The following TIMM21 variants were observed in gnomAD, a reference collection of about 807,000 sequenced individuals.
TIMM21 encodes translocase of inner mitochondrial membrane 21, also known as mitochondrial import inner membrane translocase subunit Tim21.
TIMM21 carries 30 observed loss-of-function variants against 27.7 expected under a neutral mutation model. The observed-to-expected ratio is 1.08, with a 90% CI of 0.81 to 1.47. TIMM21 has a LOEUF of 1.47. Ranked by LOEUF, TIMM21 falls within the 40% of genes most tolerant of loss-of-function variation. The pLI is 0.00. For missense variants in TIMM21, 292 were observed against 302.9 expected, an observed-to-expected ratio of 0.96 and a Z score of 0.27; for synonymous variants, 121 against 114.4, an observed-to-expected ratio of 1.06 and a Z score of -0.37.
chr18:74,158,408 T>C lies in TIMM21; in HGVS notation c.675T>C (p.Tyr225=), dbSNP rs369168905. The change falls in exon 6 of 6, where the codon TAT becomes TAC. Residue 225 remains tyrosine (Y), a synonymous_variant. Coordinates refer to ENST00000169551, the MANE Select transcript of TIMM21 (RefSeq NM_014177.3). ...NPGSGEYDFR[Y]IFVEIESYPR... is the part of the protein sequence containing the mutation. ...GAAGTGGTGAATATGATTTTCGATA[T>C]ATATTTGTAGAAATTGAATCTTATC... 9.3e-6 allele frequency: 15 copies of C among 1,605,698 alleles called. No individual in the cohort carries two copies. Among genetic ancestry groups the C allele is most frequent in the Admixed American group, 3.4e-5 (2 of 59,180 alleles).
chr18:74,152,133 G>A lies in TIMM21; in HGVS notation c.302-3012G>A, dbSNP rs1215408804. Among the ~76,000 whole-genome samples, 1 of 152,070 alleles carries A rather than the reference G, an allele frequency of 6.6e-6. No homozygotes were observed. Among genetic ancestry groups the A allele is most frequent in the African/African-American group, 2.4e-5 (1 of 41,404 alleles). On this transcript the variant is annotated intron_variant, in intron 1 of 5. Transcript: ENST00000169551. The surrounding 1 kb of genome is among the most constrained non-coding windows in gnomAD (Gnocchi z 4.1). Reference sequence around the variant, plus strand: ...GTGGAGGAAGTGCCAACCTTTACCAGACACTGAGCTGCTGCTTCAGGGCTA... The same window carrying A: ...GTGGAGGAAGTGCCAACCTTTACCAAACACTGAGCTGCTGCTTCAGGGCTA...
chr18:74,149,029 A>T lies in TIMM21; in HGVS notation c.221A>T (p.Lys74Ile). Residue 74 changes from lysine (K) to isoleucine (I), a missense_variant, in exon 1 of 6, where the codon AAA becomes ATA. Coordinates refer to ENST00000169551, the MANE Select transcript of TIMM21 (RefSeq NM_014177.3). Reference protein sequence around the residue: ...TIWTQGPSPRKAKEDGSKQVS... With the variant: ...TIWTQGPSPRIAKEDGSKQVS... The stretch of plus-strand genomic sequence containing the variant: ...TGGACGCAGGGACCGAGCCCCCGAA[A>T]AGCAAAGGAGGATGGCAGCAAACAA... The T allele has an allele frequency of 6.2e-7, 1 of 1,614,122 alleles. No homozygotes were observed. Among genetic ancestry groups the T allele is most frequent in the Admixed American group, 1.7e-5 (1 of 60,016 alleles).
intron 1 of TIMM21, among the ~76,000 whole-genome samples, chr18:74,149,516 G>C (rs1979731776): frequency 6.6e-6 from 1 of 151,868 alleles, no homozygotes; most frequent in East Asian, 1.9e-4. Flanking sequence ...AGTTGTCAGG[G>C]AAAGTCAGAG....
At chr18:74,156,635 A>G (rs1295982983) in intron 3 of TIMM21, 2 of 206,218 alleles carry the variant, frequency 9.7e-6, no homozygotes, top group Non-Finnish European at 1.9e-5. Flanking sequence ...TGTGGGTGGT[A>G]ACCTCATTAA....
chr18:74,148,885 C>T lies in TIMM21; in HGVS notation c.77C>T (p.Pro26Leu), dbSNP rs144352233. 39 of 1,614,134 alleles carry T rather than the reference C, an allele frequency of 2.4e-5. No individual in the cohort carries two copies. The African/African-American group carries it at 5.1e-4, about 21-fold the overall frequency. Residue 26 changes from proline (P) to leucine (L), a missense_variant, in exon 1 of 6, where the codon CCA (proline) becomes CTA (leucine). Pro to Leu is a moderately conservative substitution (Grantham distance 98). Transcript: ENST00000169551. ...TCCTCGGCAAAGCGATTGCTTTTGC[C>T]ATACATCGTGCTTAACAAAGCGTGC... ...HRSSAKRLLL[P>L]YIVLNKACLK... is the part of the protein sequence containing the mutation.
In TIMM21 at chr18:74,160,394, A is replaced by T. The variant is rs1345964925; in HGVS notation, c.*1914A>T. 6.6e-6 allele frequency: 1 copy of T among 152,130 alleles called. No individual in the cohort carries two copies. Among genetic ancestry groups the T allele is most frequent in the East Asian group, 1.9e-4 (1 of 5,198 alleles). 9.4% of individuals were successfully genotyped at this position (152,130 alleles called of 1,614,324 possible). A position where few individuals can be genotyped will look rare whatever the true frequency, so the allele number is the denominator to read the frequency against. ...CTAAATTACTTTTTCAAAAGGAAAA[A>T]CTCTGTACCAATAAGAGATTCTTCT... is the stretch of plus-strand genomic sequence containing the variant. On this transcript the variant is annotated 3_prime_UTR_variant, in exon 6 of 6. Transcript: ENST00000169551.
chr18:74,158,190 G>C lies in TIMM21; in HGVS notation c.556G>C (p.Asp186His), dbSNP rs1184542326. 6.2e-7 allele frequency: 1 copy of C among 1,614,182 alleles called. No individual in the cohort carries two copies. Among genetic ancestry groups the C allele is most frequent in the Admixed American group, 1.7e-5 (1 of 60,020 alleles). The change falls in exon 5 of 6, where the codon GAT becomes CAT. Residue 186 changes from aspartate to histidine, a missense_variant. Coordinates refer to ENST00000169551, the MANE Select transcript of TIMM21 (RefSeq NM_014177.3). ...CGACAGGTTCACTGAATATGTAAAA[G>C]ATGGGCTGAAACACACGTGTGTGAA... Reference protein sequence around the residue: ...QHVRFTEYVKDGLKHTCVKFY... With the variant: ...QHVRFTEYVKHGLKHTCVKFY...
At chr18:74,154,428 A>G (rs1182829877) in intron 1 of TIMM21, among the ~76,000 whole-genome samples, 3 of 151,952 alleles carry the variant, frequency 2.0e-5, no homozygotes, top group Non-Finnish European at 1.5e-5. Flanking sequence ...CGCCCGGGTA[A>G]TTTTTTGTAT....
chr18:74,149,549 A>ATT (rs60605024), intron 1 of TIMM21, among the ~76,000 whole-genome samples: 1 of 151,474 alleles, frequency 6.6e-6, no homozygotes, highest in African/African-American at 2.4e-5. Flanking sequence ...ATATTTTAAG[A>ATT]TTTTTTTTTA....
In TIMM21 at chr18:74,148,690, C is replaced by T. The variant is rs1304697683; in HGVS notation, c.-119C>T. ...TGCGGAAACTGACGTTTTTGCCTAA[C>T]ACCCCATGTAATGTAAACGTATAGG... On this transcript the variant is annotated 5_prime_UTR_variant, in exon 1 of 6. Coordinates refer to ENST00000169551, the MANE Select transcript of TIMM21 (RefSeq NM_014177.3). 6.8e-6 allele frequency: 7 copies of T among 1,025,612 alleles called. No homozygotes were observed. Among genetic ancestry groups the T allele is most frequent in the South Asian group, 3.5e-5 (2 of 57,684 alleles). 63.5% of individuals were successfully genotyped at this position (1,025,612 alleles called of 1,614,324 possible). A position where few individuals can be genotyped will look rare whatever the true frequency, so the allele number is the denominator to read the frequency against.
At chr18:74,156,177 T>C in intron 3 of TIMM21, 1 of 398,514 alleles carries the variant, frequency 2.5e-6, no homozygotes, top group Non-Finnish European at 4.4e-6. Flanking sequence ...GAAATACAAC[T>C]TCATTCACCC....
In TIMM21 at chr18:74,160,278, C is replaced by G. The variant is rs1189825041; in HGVS notation, c.*1798C>G. On this transcript the variant is annotated 3_prime_UTR_variant, in exon 6 of 6. Transcript: ENST00000169551. ...AGGTTGCAGTGAGCCAAGATCATGT[C>G]ACTGCACTCCAGCATGAGTGACGGA... 6.6e-6 allele frequency: 1 copy of G among 150,722 alleles called. No homozygotes were observed. 9.3% of individuals were successfully genotyped at this position (150,722 alleles called of 1,614,324 possible).
At chr18:74,158,351 C>T in intron 5 of TIMM21, 25 bp from the exon 6 acceptor site, 1 of 1,604,730 alleles carries the variant, frequency 6.2e-7, no homozygotes, top group Non-Finnish European at 8.5e-7. Context: ...GAAAATAATA[C>T]CTGGAAACAC....
chr18:74,150,155 C>T (rs1341295202), intron 1 of TIMM21, among the ~76,000 whole-genome samples: 1 of 152,226 alleles, frequency 6.6e-6, no homozygotes, highest in East Asian at 1.9e-4. Context: ...CTCACACTTG[C>T]AGCTTCTCTG....
At chr18:74,155,485 A>C (rs758874883) in intron 3 of TIMM21, 82 bp downstream of exon 3, 26 of 1,084,298 alleles carry the variant, frequency 2.4e-5, no homozygotes, top group Non-Finnish European at 3.4e-5. Flanking sequence ...GAATTCAAGA[A>C]CCAGTTCTCA....
rs75797483 is a variant in TIMM21, at chr18:74,156,544, G to T, written c.462+1141G>T. 3.3e-3 allele frequency: 1,173 copies of T among 360,684 alleles called. 6 individuals are homozygous for T. The highest frequency in any genetic ancestry group is 0.017 in the African/African-American group (792 of 47,962). 22.3% of individuals were successfully genotyped at this position (360,684 alleles called of 1,614,324 possible). ...CTCAGAGGTGAAAACCAGGAAATAA[G>T]GAAGGTTCGTTCCCATAATAGTTAC... On this transcript the variant is annotated intron_variant, in intron 3 of 5. Transcript: ENST00000169551.
chr18:74,149,573 G>A lies in TIMM21; in HGVS notation c.301+464G>A, dbSNP rs182532995. 4.6e-5 allele frequency among the ~76,000 whole-genome samples: 7 copies of A among 151,546 alleles called. No individual in the cohort carries two copies. The East Asian group carries it at 1.2e-3, about 25-fold the overall frequency. Reference sequence around the variant, plus strand: ...GATTTTTTTTTAATGTCTTCATTTCGCATGTGATTTGTAGGAAAAAAAAAG... The same window carrying A: ...GATTTTTTTTTAATGTCTTCATTTCACATGTGATTTGTAGGAAAAAAAAAG... On this transcript the variant is annotated intron_variant, in intron 1 of 5. Transcript: ENST00000169551.
chr18:74,158,407 A>G lies in TIMM21; in HGVS notation c.674A>G (p.Tyr225Cys), dbSNP rs1301902432. ...NPGSGEYDFR[Y>C]IFVEIESYPR... ...GGAAGTGGTGAATATGATTTTCGAT[A>G]TATATTTGTAGAAATTGAATCTTAT... The change falls in exon 6 of 6, where the codon TAT becomes TGT. Residue 225 changes from tyrosine (Y) to cysteine (C), a missense_variant. Physicochemically the swap from Tyr to Cys is radical, Grantham distance 194. Coordinates refer to ENST00000169551, the MANE Select transcript of TIMM21 (RefSeq NM_014177.3). The G allele has an allele frequency of 8.1e-6, 13 of 1,605,416 alleles. No individual in the cohort carries two copies. The highest frequency in any genetic ancestry group is 9.4e-6 in the Non-Finnish European group (11 of 1,173,492).
chr18:74,157,736 C>G (rs1979989473), intron 3 of TIMM21: 1 of 358,340 alleles, frequency 2.8e-6, no homozygotes, highest in Non-Finnish European at 5.1e-6. Flanking sequence ...GCTGGGACTA[C>G]AGATGCGCAT....
Sources: gnomAD v4.1 joint callset for allele counts (sites outside exome capture counted in the v4.1 genomes callset) on GRCh38, gnomAD v4.1.1 for gene constraint, Gnocchi (gnomAD v3.1) non-coding constraint, MANE v1.5 for transcripts, NCBI Gene and HGNC (gene_info 2026-07-23, HGNC 2026-07-21) for gene names.